BANK1: variants seen among roughly 807,000 people sequenced by gnomAD.
BANK1 encodes the protein B cell scaffold protein with ankyrin repeats 1.
A neutral mutation model predicts 94.5 loss-of-function variants in BANK1; 95 were observed. The ratio of observed to expected loss-of-function variants is 1.00; its 90% CI spans 0.85 to 1.19. The LOEUF is 1.19. Among genes scored for constraint, BANK1 ranks in the 50% most tolerant of loss-of-function variants. The pLI, the probability that BANK1 is intolerant of heterozygous loss-of-function variation, is 0.00. For missense variants in BANK1, 987 were observed against 932.2 expected (o/e 1.06, Z -0.77); for synonymous variants, 334 against 308.4 (o/e 1.08, Z -0.87).
chr4:101,974,843 G>C (rs1039316960), intron 7 of BANK1, among the ~76,000 whole-genome samples: 14 of 151,972 alleles, frequency 9.2e-5, no homozygotes, highest in African/African-American at 1.4e-4. Flanking sequence ...TGTAATCCCA[G>C]CTACTCGGGA....
chr4:101,834,642 CA>C (rs5860696), intron 2 of BANK1, among the ~76,000 whole-genome samples: 68,438 of 150,792 alleles, frequency 0.45, 16,468 homozygotes, highest in African/African-American at 0.63. Context: ...GAGATCAGTA[CA>C]AAAAAAAATG....
chr4:101,848,149 T>C (rs1163708073), intron 2 of BANK1, among the ~76,000 whole-genome samples: 3 of 152,164 alleles, frequency 2.0e-5, no homozygotes, highest in Admixed American at 6.5e-5. Context: ...GGGCTGTGTG[T>C]TCGGGAGAGG....
In BANK1 at chr4:102,012,941, A is replaced by G. The variant is rs139303590; in HGVS notation, c.1207-8573A>G. Among the ~76,000 whole-genome samples the G allele has an allele frequency of 9.5e-3, 1,439 of 152,190 alleles. 17 individuals are homozygous for G. The highest frequency in any genetic ancestry group is 0.013 in the Non-Finnish European group (879 of 67,942). On this transcript the variant is annotated intron_variant, in intron 7 of 16. Transcript: ENST00000322953. ...TAAATTCATTCATTATTTAGTTTCTATGTAGTTTTTTTCCAAATTAAAGCA... is the reference window on the plus strand; with the variant it reads ...TAAATTCATTCATTATTTAGTTTCTGTGTAGTTTTTTTCCAAATTAAAGCA...
intron 10 of BANK1, among the ~76,000 whole-genome samples, chr4:102,031,391 G>A (rs540703306): frequency 9.5e-4 from 145 of 152,176 alleles, no homozygotes; most frequent in Non-Finnish European, 1.5e-3. Flanking sequence ...TGTAGGTTGC[G>A]TGTTCACTCT....
chr4:102,013,507 A>G (rs1726579031), intron 7 of BANK1, among the ~76,000 whole-genome samples: 1 of 152,052 alleles, frequency 6.6e-6, no homozygotes, highest in African/African-American at 2.4e-5. Context: ...TTCAGCTCTT[A>G]GAGTACCTTA....
Position 102,073,720 on chromosome 4 carries a change from T to G in BANK1, c.2335T>G (p.Phe779Val). 1.2e-6 allele frequency: 2 copies of G among 1,611,888 alleles called. No individual in the cohort carries two copies. Among genetic ancestry groups the G allele is most frequent in the South Asian group, 2.2e-5 (2 of 90,676 alleles). Residue 779 changes from phenylalanine to valine, a missense_variant, in exon 16 of 17, where the codon TTC becomes GTC. Phe to Val is a conservative substitution (Grantham distance 50). Transcript: ENST00000322953. Reference protein sequence around the residue: ...ARPQVEKEFGFCCKKDH With the variant: ...ARPQVEKEFGVCCKKDH ...ACCCCAAGTTGAAAAGGAATTTGGT[T>G]TCTGTTGCAAGAAAGATCATTAAAG...
intron 14 of BANK1, among the ~76,000 whole-genome samples, chr4:102,071,913 G>T (rs899337321): frequency 2.6e-5 from 4 of 152,166 alleles, no homozygotes; most frequent in African/African-American, 9.6e-5. Flanking sequence ...GAGCCCTGTG[G>T]CTGGGATGAG....
intron 8 of BANK1, among the ~76,000 whole-genome samples, chr4:102,024,013 A>G (rs1407819797): frequency 1.3e-5 from 2 of 152,214 alleles, no homozygotes; most frequent in Non-Finnish European, 2.9e-5. Flanking sequence ...CACTCTGCCC[A>G]TGCTGGTAAT....
chr4:101,801,859 T>G (rs190712620), intron 1 of BANK1, among the ~76,000 whole-genome samples: 23 of 152,388 alleles, frequency 1.5e-4, no homozygotes, highest in African/African-American at 5.0e-4. Context: ...TAATATTTGC[T>G]GCTGTTGAAC....
At chr4:101,966,250 T>C (rs924105305) in intron 7 of BANK1, among the ~76,000 whole-genome samples, 3 of 152,020 alleles carry the variant, frequency 2.0e-5, no homozygotes, top group Non-Finnish European at 4.4e-5. Flanking sequence ...TCCTTCTTCC[T>C]TTTTGCAAAA....
At chr4:101,954,190 A>G (rs971130815) in intron 7 of BANK1, among the ~76,000 whole-genome samples, 2 of 152,164 alleles carry the variant, frequency 1.3e-5, no homozygotes, top group African/African-American at 2.4e-5. Context: ...ACATCAGTCA[A>G]TGAACTCAGC....
chr4:102,016,902 C>A (rs1726721608), intron 7 of BANK1, among the ~76,000 whole-genome samples: 1 of 151,960 alleles, frequency 6.6e-6, no homozygotes, highest in South Asian at 2.1e-4. Context: ...TGACTCTTAT[C>A]CACTGTGGAT....
At chr4:101,815,487 T>A (rs1578332856) in intron 1 of BANK1, among the ~76,000 whole-genome samples, 1 of 152,160 alleles carries the variant, frequency 6.6e-6, no homozygotes, top group Non-Finnish European at 1.5e-5. Flanking sequence ...GGTTAAAATG[T>A]CAATTATTTC....
intron 7 of BANK1, among the ~76,000 whole-genome samples, chr4:102,014,950 C>T (rs1167910159): frequency 9.9e-5 from 15 of 152,210 alleles, no homozygotes; most frequent in African/African-American, 2.9e-4. Flanking sequence ...TGTCTTTTAG[C>T]TTCAACCTTT....
At chr4:101,880,929 G>T (rs1410082380) in intron 5 of BANK1, among the ~76,000 whole-genome samples, 1 of 152,028 alleles carries the variant, frequency 6.6e-6, no homozygotes, top group Non-Finnish European at 1.5e-5. Flanking sequence ...AATCAAAATG[G>T]ATTAGAGACT....
chr4:101,818,711 G>A (rs1578334904), intron 1 of BANK1, among the ~76,000 whole-genome samples: 1 of 151,830 alleles, frequency 6.6e-6, no homozygotes, highest in African/African-American at 2.4e-5. Context: ...AATTATTGTT[G>A]CTATGCTCCT....
chr4:101,953,758 ACT>A (rs1385737142), intron 7 of BANK1, among the ~76,000 whole-genome samples: 3 of 152,000 alleles, frequency 2.0e-5, no homozygotes, highest in Non-Finnish European at 2.9e-5. Context: ...CTAAAACCCC[ACT>A]GAGTCATGAG....
intron 8 of BANK1, among the ~76,000 whole-genome samples, chr4:102,023,379 TA>T (rs1159949707): frequency 6.6e-6 from 1 of 152,228 alleles, no homozygotes; most frequent in East Asian, 1.9e-4. Flanking sequence ...AAAGTGATTA[TA>T]AAGGCCATGA....
intron 11 of BANK1, among the ~76,000 whole-genome samples, chr4:102,059,835 G>A (rs1487004269): frequency 1.3e-5 from 2 of 152,270 alleles, no homozygotes; most frequent in Admixed American, 6.5e-5. Context: ...TAGTATTAAT[G>A]TTAACATTTA....
Sources: gnomAD v4.1 joint callset for allele counts (sites outside exome capture counted in the v4.1 genomes callset) on GRCh38, gnomAD v4.1.1 for gene constraint, MANE v1.5 for transcripts, NCBI Gene and HGNC (gene_info 2026-07-23, HGNC 2026-07-21) for gene names.